Variants in PDZD2 observed in about 807,000 individuals in gnomAD.
PDZD2 encodes the protein PDZ domain-containing protein 2.
PDZD2 carries 90 observed loss-of-function variants against 220.7 expected under a neutral mutation model. The ratio of observed to expected loss-of-function variants is 0.41; its 90% confidence interval spans 0.34 to 0.49. The LOEUF is 0.49. PDZD2 is among the 20% of genes least tolerant of loss of function. The probability of loss-of-function intolerance (pLI) is 0.28; values close to 1 mark genes in which losing one functional copy is unlikely to be tolerated. For missense variants in PDZD2, 3,174 were observed against 3,608.5 expected, an observed-to-expected ratio of 0.88 and a Z score of 3.08; for synonymous variants, 1,375 against 1,450.5, an observed-to-expected ratio of 0.95 and a Z score of 1.18.
At chr5:31,645,333 C>CTT (rs1226259458) in intron 1 of PDZD2, among the ~76,000 whole-genome samples, 8 of 122,810 alleles carry the variant, frequency 6.5e-5, no homozygotes, top group African/African-American at 1.3e-4. Context: ...CTCTTGGTCT[C>CTT]TTTTTTTTTT....
intron 1 of PDZD2, among the ~76,000 whole-genome samples, chr5:31,678,170 T>C (rs531611402): frequency 6.6e-6 from 1 of 152,292 alleles, no homozygotes; most frequent in South Asian, 2.1e-4. Context: ...GTGTTGCAGG[T>C]TGGATTCCTG....
intron 1 of PDZD2, among the ~76,000 whole-genome samples, chr5:31,653,189 T>G (rs1357174222): frequency 3.9e-5 from 6 of 152,068 alleles, no homozygotes; most frequent in Non-Finnish European, 5.9e-5. Flanking sequence ...GTGAGTTTGG[T>G]TGAGGATGCA....
intron 2 of PDZD2, among the ~76,000 whole-genome samples, chr5:31,912,378 A>G (rs989275149): frequency 5.9e-5 from 9 of 152,042 alleles, no homozygotes; most frequent in Non-Finnish European, 1.2e-4. Context: ...CAAAGGCCCC[A>G]CCTCCTAATA....
intron 7 of PDZD2, among the ~76,000 whole-genome samples, chr5:32,044,467 G>C (rs323827): frequency 1.3e-5 from 2 of 151,978 alleles, no homozygotes; most frequent in East Asian, 3.9e-4. Flanking sequence ...AAGGATGCAA[G>C]ATAAAGAGAG....
Position 32,088,631 on chromosome 5 carries a change from C to G in PDZD2, c.5183C>G (p.Pro1728Arg). 6.2e-7 allele frequency: 1 copy of G among 1,614,110 alleles called. No homozygotes were observed. The highest frequency in any genetic ancestry group is 8.5e-7 in the Non-Finnish European group (1 of 1,179,972). ...FHSPPIILSS[P>R]NMVNGLEHDL... ...AGTCCGCCCATCATTCTCAGCTCCC[C>G]CAACATGGTAAATGGCTTGGAACAT... The change falls in exon 20 of 25, where the codon CCC becomes CGC. Residue 1728 changes from proline (P) to arginine (R), a missense_variant. By Grantham distance (103) the Pro-to-Arg change is moderately radical (BLOSUM62 -2). Around this residue, in one of 4 missense-constraint regions of PDZD2, gnomAD observed 1,861 missense variants for 2,001.0 expected, o/e 0.93. Coordinates refer to ENST00000438447, the MANE Select transcript of PDZD2 (RefSeq NM_178140.4). The surrounding 1 kb of genome is among the most constrained non-coding windows in gnomAD (Gnocchi z 4.6).
Position 32,074,497 on chromosome 5 carries a change from T to C in PDZD2, c.3391T>C (p.Ser1131Pro), listed in dbSNP as rs763773798. ...VARVSPHCKR[S>P]EAEAKPSGSQ... ...CAGGGTAAGCCCCCACTGCAAGAGATCCGAGGCTGAGGCCAAGCCCAGTGG... is the reference window on the plus strand; with the variant it reads ...CAGGGTAAGCCCCCACTGCAAGAGACCCGAGGCTGAGGCCAAGCCCAGTGG... Residue 1131 changes from serine (S) to proline (P), a missense_variant, in exon 18 of 25, where the codon TCC becomes CCC. Around this residue, in one of 4 missense-constraint regions of PDZD2, gnomAD observed 1,861 missense variants for 2,001.0 expected, o/e 0.93. Coordinates refer to ENST00000438447, the MANE Select transcript of PDZD2 (RefSeq NM_178140.4). The C allele has an allele frequency of 1.4e-5, 23 of 1,613,880 alleles. No individual in the cohort carries two copies. Among genetic ancestry groups the C allele is most frequent in the Non-Finnish European group, 1.7e-5 (20 of 1,179,920 alleles).
chr5:31,929,632 C>T lies in PDZD2; in HGVS notation c.477-53523C>T, dbSNP rs1450131490. On this transcript the variant is annotated intron_variant, in intron 2 of 24. Coordinates refer to ENST00000438447, the MANE Select transcript of PDZD2 (RefSeq NM_178140.4). ...TGGGAGGCTGAGGCGGGTGGATCACCTGAGGTCGGGAGTTTGAAACCAGCC... is the reference window on the plus strand; with the variant it reads ...TGGGAGGCTGAGGCGGGTGGATCACTTGAGGTCGGGAGTTTGAAACCAGCC... Among the ~76,000 whole-genome samples the T allele has an allele frequency of 2.0e-5, 3 of 152,238 alleles. No individual in the cohort carries two copies. In the East Asian group the frequency reaches 5.8e-4, roughly 29 times the overall value.
At position 32,091,138 on chromosome 5, in the gene PDZD2, G is replaced by C. The variant is rs769330158; in HGVS notation, c.7690G>C (p.Ala2564Pro). The C allele has an allele frequency of 1.9e-6, 3 of 1,584,408 alleles. No homozygotes were observed. The South Asian group carries it at 3.4e-5, about 18-fold the overall frequency. The change falls in exon 20 of 25, where the codon GCC becomes CCC. Residue 2564 changes from alanine (A) to proline (P), a missense_variant. This residue lies in a region of PDZD2 where 631 missense variants were observed against 789.9 expected (regional missense o/e 0.80). Coordinates refer to ENST00000438447, the MANE Select transcript of PDZD2 (RefSeq NM_178140.4). ...PSSASDTGEA[A>P]QDLPFRRSWS... Reference sequence around the variant, plus strand: ...TTCAGCCAGTGATACGGGTGAAGCTGCCCAGGATCTGCCTTTTAGAAGAAG... The same window carrying C: ...TTCAGCCAGTGATACGGGTGAAGCTCCCCAGGATCTGCCTTTTAGAAGAAG...
intron 1 of PDZD2, among the ~76,000 whole-genome samples, chr5:31,671,731 C>T (rs1336608592): frequency 1.3e-5 from 2 of 152,194 alleles, no homozygotes; most frequent in Non-Finnish European, 1.5e-5. Flanking sequence ...ATGCAAAATT[C>T]GAGAAACCAG....
chr5:31,674,535 C>T (rs535603221), intron 1 of PDZD2, among the ~76,000 whole-genome samples: 6 of 152,222 alleles, frequency 3.9e-5, no homozygotes, highest in South Asian at 2.1e-4. Flanking sequence ...GTCTAGAAAC[C>T]GCTGAATTGG....
Position 32,101,240 on chromosome 5 carries a change from G to C in PDZD2, c.8353+1G>C. The stretch of plus-strand genomic sequence containing the variant: ...TTGGTCATTAAAAGAGTGTACAAAG[G>C]TAATGTTCTAGACAACTCAGTCAGC... On this transcript the variant is annotated splice_donor_variant, in intron 24 of 24. Coordinates refer to ENST00000438447, the MANE Select transcript of PDZD2 (RefSeq NM_178140.4). LOFTEE classifies it high-confidence loss of function. 6.2e-7 allele frequency: 1 copy of C among 1,608,122 alleles called. No individual in the cohort carries two copies. The highest frequency in any genetic ancestry group is 8.5e-7 in the Non-Finnish European group (1 of 1,176,430).
intron 2 of PDZD2, among the ~76,000 whole-genome samples, chr5:31,827,907 A>C (rs965476903): frequency 6.6e-6 from 1 of 152,164 alleles, no homozygotes; most frequent in Non-Finnish European, 1.5e-5. Flanking sequence ...CGCTTCTCCA[A>C]GCCCCTGGAA....
At chr5:31,809,257 G>T (rs962260118) in intron 2 of PDZD2, among the ~76,000 whole-genome samples, 1 of 152,148 alleles carries the variant, frequency 6.6e-6, no homozygotes, top group Non-Finnish European at 1.5e-5. Context: ...GCCATCTTGT[G>T]GTTGAAATCC....
At chr5:31,787,687 T>C (rs1753459228) in intron 1 of PDZD2, 1 of 152,146 alleles carries the variant, frequency 6.6e-6, no homozygotes, top group African/African-American at 2.4e-5. Flanking sequence ...GATGTTCATT[T>C]CTCTCATCTA....
Position 31,676,538 on chromosome 5 carries a change from G to A in PDZD2, c.-361+37101G>A, listed in dbSNP as rs145288879. 3.9e-3 allele frequency among the ~76,000 whole-genome samples: 593 copies of A among 151,836 alleles called. 3 individuals are homozygous for A. Among genetic ancestry groups the A allele is most frequent in the Non-Finnish European group, 5.3e-3 (360 of 67,932 alleles). ...AGCAGAAATATAACAGCAAAAGAAA[G>A]GGACTTGTAGAACAATTTCTTTGCT... On this transcript the variant is annotated intron_variant, in intron 1 of 24. Coordinates refer to ENST00000438447, the MANE Select transcript of PDZD2 (RefSeq NM_178140.4).
At chr5:31,889,791 G>A (rs759132702) in intron 2 of PDZD2, among the ~76,000 whole-genome samples, 5 of 152,066 alleles carry the variant, frequency 3.3e-5, no homozygotes, top group Non-Finnish European at 2.9e-5. Context: ...AGGCTGAGGT[G>A]GGCAGATCTT....
intron 1 of PDZD2, among the ~76,000 whole-genome samples, chr5:31,792,464 G>T (rs974726812): frequency 1.3e-5 from 2 of 152,178 alleles, no homozygotes; most frequent in Admixed American, 1.3e-4. Context: ...TGTGGCCCAG[G>T]CTGGAGTGCA....
intron 1 of PDZD2, among the ~76,000 whole-genome samples, chr5:31,791,207 G>A (rs2150220462): frequency 6.6e-6 from 1 of 152,264 alleles, no homozygotes; most frequent in East Asian, 1.9e-4. Flanking sequence ...CAGACTCAAT[G>A]TCAAGAGGGC....
intron 2 of PDZD2, among the ~76,000 whole-genome samples, chr5:31,905,438 G>A (rs1742557189): frequency 6.6e-6 from 1 of 152,136 alleles, no homozygotes; most frequent in African/African-American, 2.4e-5. Context: ...GAGGATGCTG[G>A]GGTTGCTTTT....
Sources: allele counts gnomAD v4.1 joint callset (sites outside exome capture counted in the v4.1 genomes callset), GRCh38; gene constraint gnomAD v4.1.1; regional missense constraint gnomAD v4.1.1; non-coding constraint Gnocchi (gnomAD v3.1); transcripts MANE v1.5; gene names NCBI Gene and HGNC (gene_info 2026-07-23, HGNC 2026-07-21).